Variants in ODAD2 observed in about 807,000 individuals in gnomAD.
ODAD2 encodes outer dynein arm docking complex subunit 2.
Under a neutral mutation model 106.8 loss-of-function variants are expected in ODAD2, and 89 were observed. That is an observed-to-expected ratio of 0.83 (90% CI 0.70 to 0.99). ODAD2 has a LOEUF of 0.99. ODAD2 is among the 50% of genes least tolerant of loss of function. The pLI is 0.00. For synonymous variants in ODAD2, 404 were observed against 436.2 expected (o/e 0.93, Z 0.92); for missense variants, 1,168 against 1,238.5 (o/e 0.94, Z 0.85).
intron 19 of ODAD2, among the ~76,000 whole-genome samples, chr10:27,834,865 A>G (rs2133045000): frequency 6.6e-6 from 1 of 152,268 alleles, no homozygotes; most frequent in Middle Eastern, 3.4e-3. Context: ...GAGTCTCCAA[A>G]GAAATTGCCT....
intron 2 of ODAD2, among the ~76,000 whole-genome samples, chr10:27,988,236 T>C (rs1850001012): frequency 1.3e-5 from 2 of 152,102 alleles, no homozygotes; most frequent in Admixed American, 6.6e-5. Context: ...GTGATATTTC[T>C]ATAGATTTCT....
intron 2 of ODAD2, among the ~76,000 whole-genome samples, chr10:27,989,251 T>G (rs1850073373): frequency 6.6e-6 from 1 of 152,190 alleles, no homozygotes; most frequent in Non-Finnish European, 1.5e-5. Flanking sequence ...ACAGAGGGAC[T>G]TTATGAGTCC....
intron 19 of ODAD2, among the ~76,000 whole-genome samples, chr10:27,831,025 C>A (rs1032361935): frequency 6.6e-6 from 1 of 152,098 alleles, no homozygotes; most frequent in African/African-American, 2.4e-5. Context: ...TTAAAGGCAC[C>A]ATGAGAAAAA....
At chr10:27,871,799 A>C (rs1029032424) in intron 17 of ODAD2, among the ~76,000 whole-genome samples, 2 of 152,192 alleles carry the variant, frequency 1.3e-5, no homozygotes, top group African/African-American at 4.8e-5. Context: ...TGATGCCTGC[A>C]GCTGTGTTCT....
chr10:27,928,160 T>C (rs564819034), intron 16 of ODAD2, among the ~76,000 whole-genome samples: 1 of 152,168 alleles, frequency 6.6e-6, no homozygotes, highest in East Asian at 1.9e-4. Flanking sequence ...ATATTGACTT[T>C]GTCTCTCCTC....
intron 16 of ODAD2, among the ~76,000 whole-genome samples, chr10:27,933,916 A>G (rs556318470): frequency 3.3e-5 from 5 of 152,276 alleles, no homozygotes; most frequent in African/African-American, 1.2e-4. Flanking sequence ...GGTTAGACGA[A>G]GCCCCCTGAT....
intron 19 of ODAD2, among the ~76,000 whole-genome samples, chr10:27,855,792 C>T (rs1839613062): frequency 6.6e-6 from 1 of 152,182 alleles, no homozygotes; most frequent in African/African-American, 2.4e-5. Flanking sequence ...AACTGCTCTC[C>T]ACTCACTCTG....
intron 7 of ODAD2, among the ~76,000 whole-genome samples, chr10:27,972,350 A>G (rs1431014828): frequency 1.3e-5 from 2 of 152,176 alleles, no homozygotes; most frequent in Non-Finnish European, 1.5e-5. Flanking sequence ...CAAAAGGGGC[A>G]GAGGAAGGAA....
intron 7 of ODAD2, among the ~76,000 whole-genome samples, chr10:27,980,616 A>G (rs536937751): frequency 4.6e-5 from 7 of 152,310 alleles, no homozygotes; most frequent in African/African-American, 1.7e-4. Context: ...CAAAGCCCCA[A>G]TGGGATACCA....
chr10:27,903,190 G>C (rs1278699180), intron 17 of ODAD2, among the ~76,000 whole-genome samples: 1 of 152,116 alleles, frequency 6.6e-6, no homozygotes, highest in African/African-American at 2.4e-5. Context: ...CAGAACCAGT[G>C]ACAAAAACCA....
At chr10:27,855,392 A>ACCAATTGGTATC (rs1191788032) in intron 19 of ODAD2, among the ~76,000 whole-genome samples, 1 of 152,178 alleles carries the variant, frequency 6.6e-6, no homozygotes, top group Non-Finnish European at 1.5e-5. Context: ...TATGTAGTAT[A>ACCAATTGGTATC]TATTCATCGA....
intron 8 of ODAD2, among the ~76,000 whole-genome samples, chr10:27,970,624 G>A (rs550498937): frequency 3.9e-5 from 6 of 152,054 alleles, no homozygotes; most frequent in East Asian, 1.9e-4. Context: ...ATCAACCTGC[G>A]CCTTGGAGGG....
At chr10:27,943,198 G>A (rs568464315) in intron 12 of ODAD2, among the ~76,000 whole-genome samples, 1 of 152,262 alleles carries the variant, frequency 6.6e-6, no homozygotes, top group South Asian at 2.1e-4. Flanking sequence ...TGGCAAAGGT[G>A]GTAAGCAGGA....
At chr10:27,823,128 A>G (rs1008372992) in intron 19 of ODAD2, among the ~76,000 whole-genome samples, 1 of 152,220 alleles carries the variant, frequency 6.6e-6, no homozygotes, top group Non-Finnish European at 1.5e-5. Context: ...AAAGGAAGTG[A>G]TAAGTTTCTG....
In ODAD2 at chr10:27,860,706, A is replaced by G. The variant is rs1839978353; in HGVS notation, c.2940T>C (p.His980=). The change falls in exon 19 of 20, where the codon CAT becomes CAC. Residue 980 remains histidine, a synonymous_variant. Transcript: ENST00000305242. ...GGTACAAGGCCTGAGCTGTCGCCCG[A>G]TGCACGTTGGTGTCATTTGATTTCA... is the stretch of plus-strand genomic sequence containing the variant. ...RYLKSNDTNV[H]RATAQALYQL... 6.2e-7 allele frequency: 1 copy of G among 1,614,014 alleles called. No individual in the cohort carries two copies. The highest frequency in any genetic ancestry group is 8.5e-7 in the Non-Finnish European group (1 of 1,180,024).
At chr10:27,939,871 A>G (rs376412283) in intron 14 of ODAD2, 26 bp downstream of exon 14, 273 of 1,461,798 alleles carry the variant, frequency 1.9e-4, no homozygotes, top group Middle Eastern at 3.6e-4. Context: ...AAGAACGCCA[A>G]CAACCGCTGG....
At chr10:27,864,511 G>C (rs568029165) in intron 17 of ODAD2, among the ~76,000 whole-genome samples, 20 of 146,772 alleles carry the variant, frequency 1.4e-4, no homozygotes, top group Non-Finnish European at 2.5e-4. Context: ...TGAGAGTGGA[G>C]AGTGAGGTGA....
intron 17 of ODAD2, among the ~76,000 whole-genome samples, chr10:27,901,569 T>C (rs1177605921): frequency 2.0e-5 from 3 of 152,200 alleles, no homozygotes; most frequent in Non-Finnish European, 2.9e-5. Flanking sequence ...AGGAGACCCA[T>C]CTTACGTGCA....
At chr10:27,900,440 G>C (rs1298080200) in intron 17 of ODAD2, among the ~76,000 whole-genome samples, 3 of 152,086 alleles carry the variant, frequency 2.0e-5, no homozygotes, top group Non-Finnish European at 2.9e-5. Context: ...ACCAGCAAAG[G>C]AACAAAACTG....
Sources: allele counts gnomAD v4.1 joint callset (sites outside exome capture counted in the v4.1 genomes callset), GRCh38; gene constraint gnomAD v4.1.1; transcripts MANE v1.5; gene names NCBI Gene and HGNC (gene_info 2026-07-23, HGNC 2026-07-21).